The following MROH2A variants were observed in gnomAD, a reference collection of about 807,000 sequenced individuals.
MROH2A encodes the protein maestro heat like repeat family member 2A, also known as maestro heat-like repeat-containing protein family member 2A.
MROH2A carries 174 observed loss-of-function variants against 200.4 expected under a neutral mutation model. The observed-to-expected ratio is 0.87, with a 90% CI of 0.77 to 0.98. The LOEUF (loss-of-function observed/expected upper bound fraction) is 0.98. Among genes scored for constraint, MROH2A ranks in the 50% least tolerant of loss-of-function variants. MROH2A has a pLI of 0.00. For missense variants in MROH2A, 2,045 were observed against 2,139.6 expected, an observed-to-expected ratio of 0.96 and a Z score of 0.87; for synonymous variants, 829 against 840.4, an observed-to-expected ratio of 0.99 and a Z score of 0.23.
At chr2:233,784,214 C>G (rs1701082732) in intron 3 of MROH2A, among the ~76,000 whole-genome samples, 1 of 151,990 alleles carries the variant, frequency 6.6e-6, no homozygotes, top group African/African-American at 2.4e-5. Context: ...TTTGCTGTAT[C>G]CAATAGATTT....
At position 233,828,177 on chromosome 2, in the gene MROH2A, G is replaced by A. The variant is rs1704446135; in HGVS notation, c.4114-453G>A. Among the ~76,000 whole-genome samples, 2 of 152,048 alleles carry A rather than the reference G, an allele frequency of 1.3e-5. No homozygotes were observed. Among genetic ancestry groups the A allele is most frequent in the Admixed American group, 1.3e-4 (2 of 15,264 alleles). ...TCAGGCCTCTTTCAAACATACTCAGGTACTTGCATGCACACATGTACACAC... is the reference window on the plus strand; with the variant it reads ...TCAGGCCTCTTTCAAACATACTCAGATACTTGCATGCACACATGTACACAC... On this transcript the variant is annotated intron_variant, in intron 35 of 41. Coordinates refer to ENST00000389758, the MANE Select transcript of MROH2A (RefSeq NM_001394639.1). This position sits in a 1 kb window ranked among gnomAD's most constrained non-coding sequence, Gnocchi z 4.6.
intron 12 of MROH2A, 22 bp from the exon 13 acceptor site, chr2:233,799,758 G>T: frequency 1.3e-6 from 2 of 1,550,126 alleles, no homozygotes; most frequent in Non-Finnish European, 1.7e-6. Context: ...CCCCCAGCAT[G>T]TCCACGGTCC....
At position 233,793,676 on chromosome 2, in the gene MROH2A, T is replaced by A; in HGVS notation, c.674T>A (p.Met225Lys). ...AKIRQAICSA[M>K]ETFCETVQFY... ...ATTCCCCTGTTGCTGTTGGTAGCCA[T>A]GGAGACCTTCTGTGAGACGGTGCAG... The change falls in exon 7 of 42, where the codon ATG becomes AAG. Residue 225 changes from methionine (M) to lysine (K), a missense_variant. Met to Lys is a moderately conservative substitution (Grantham distance 95). This residue lies in a region of MROH2A where 831 missense variants were observed against 800.0 expected (regional missense o/e 1.04). Transcript: ENST00000389758. 1.4e-6 allele frequency: 2 copies of A among 1,401,338 alleles called. No individual in the cohort carries two copies. Among genetic ancestry groups the A allele is most frequent in the Non-Finnish European group, 9.3e-7 (1 of 1,071,702 alleles). 86.8% of individuals were successfully genotyped at this position (1,401,338 alleles called of 1,614,324 possible). A position where few individuals can be genotyped will look rare whatever the true frequency, so the allele number is the denominator to read the frequency against.
chr2:233,819,645 G>A (rs1703797757), intron 30 of MROH2A, among the ~76,000 whole-genome samples, 176 bp downstream of exon 30: 1 of 152,230 alleles, frequency 6.6e-6, no homozygotes, highest in Admixed American at 6.5e-5. Context: ...CGTGTTGAAG[G>A]TAGCCTCGTT....
intron 8 of MROH2A, 104 bp from the exon 9 acceptor site, chr2:233,795,549 A>T: frequency 6.6e-7 from 1 of 1,512,090 alleles, no homozygotes; most frequent in Non-Finnish European, 9.0e-7. Context: ...CTCCCAGGGA[A>T]TGCTGGTGCT....
At chr2:233,824,619 T>TGG (rs1704181585) in intron 35 of MROH2A, among the ~76,000 whole-genome samples, 3 of 152,230 alleles carry the variant, frequency 2.0e-5, no homozygotes, top group African/African-American at 7.2e-5. Flanking sequence ...AGTTGCTGAT[T>TGG]GGCTGGAGAT....
intron 3 of MROH2A, among the ~76,000 whole-genome samples, chr2:233,781,827 A>T (rs1168617552): frequency 1.3e-5 from 2 of 152,054 alleles, no homozygotes; most frequent in East Asian, 3.8e-4. Context: ...TTCCCCAATG[A>T]TTATTTTCTA....
chr2:233,831,703 T>C (rs7564111), intron 39 of MROH2A, among the ~76,000 whole-genome samples, 163 bp downstream of exon 39: 29,543 of 152,200 alleles, frequency 0.19, 5,932 homozygotes, highest in African/African-American at 0.51. Flanking sequence ...AGGCAAGTCA[T>C]GTGCCTATTT....
At chr2:233,794,558 G>A (rs1701984643) in intron 8 of MROH2A, 52 bp downstream of exon 8, 3 of 983,710 alleles carry the variant, frequency 3.0e-6, no homozygotes, top group Non-Finnish European at 4.7e-6. Context: ...GGAATTGGGG[G>A]CTCCCAAGTG....
In MROH2A at chr2:233,789,875, G is replaced by A; in HGVS notation, c.432G>A (p.Glu144=). The A allele has an allele frequency of 6.5e-7, 1 of 1,550,276 alleles. No individual in the cohort carries two copies. The highest frequency in any genetic ancestry group is 8.7e-7 in the Non-Finnish European group (1 of 1,146,848). ...IPEMEGYMKA[E]VASDTLVALS... is the part of the protein sequence containing the mutation. ...AGATGGAGGGCTATATGAAGGCAGAGGTGGCCAGCGACACACTGGTGGCTC... is the reference window on the plus strand; with the variant it reads ...AGATGGAGGGCTATATGAAGGCAGAAGTGGCCAGCGACACACTGGTGGCTC... The change falls in exon 5 of 42, where the codon GAG becomes GAA. Residue 144 remains glutamate, a synonymous_variant. Transcript: ENST00000389758.
chr2:233,801,686 C>T (rs1702481756), intron 14 of MROH2A, among the ~76,000 whole-genome samples: 1 of 152,178 alleles, frequency 6.6e-6, no homozygotes, highest in Non-Finnish European at 1.5e-5. Context: ...GGATTATGCA[C>T]TTTCGTCACA....
rs1053952706 is a variant in MROH2A, at chr2:233,778,350, T to A, written c.-146T>A. The A allele has an allele frequency of 5.9e-6, 1 of 169,194 alleles. No homozygotes were observed. The highest frequency in any genetic ancestry group is 6.5e-5 in the Admixed American group (1 of 15,302). 10.5% of individuals were successfully genotyped at this position (169,194 alleles called of 1,614,324 possible). The stretch of plus-strand genomic sequence containing the variant: ...GACCCATTCCTATAAGAAATATGAC[T>A]GAAGAGCCCAGCTGTCTCACTTTGA... On this transcript the variant is annotated 5_prime_UTR_variant, in exon 1 of 42. Transcript: ENST00000389758.
chr2:233,807,149 T>TAC lies in MROH2A; in HGVS notation c.2053-273_2053-272insCA, dbSNP rs1702846923. ...TTTTTGTGGCTGAGTAGTATTCCAT[T>TAC]ATATATATATATAATATGAACTGAT... On this transcript the variant is annotated intron_variant, in intron 19 of 41. Coordinates refer to ENST00000389758, the MANE Select transcript of MROH2A (RefSeq NM_001394639.1). The surrounding 1 kb of genome is among the most constrained non-coding windows in gnomAD (Gnocchi z 4.3). Among the ~76,000 whole-genome samples, 4 of 69,398 alleles carry TAC rather than the reference T, an allele frequency of 5.8e-5. No individual in the cohort carries two copies. The highest frequency in any genetic ancestry group is 2.2e-3 in the East Asian group (2 of 902). The allele number at this position is 69,398 out of a possible 152,430, so 45.5% of individuals were successfully genotyped here.
Position 233,818,011 on chromosome 2 carries a change from A to C in MROH2A, c.2971A>C (p.Lys991Gln). The C allele has an allele frequency of 6.4e-7, 1 of 1,550,904 alleles. No individual in the cohort carries two copies. Among genetic ancestry groups the C allele is most frequent in the Non-Finnish European group, 8.7e-7 (1 of 1,147,054 alleles). Residue 991 changes from lysine (K) to glutamine (Q), a missense_variant, in exon 28 of 42, where the codon AAG (lysine) becomes CAG (glutamine). Around this residue, in one of 3 missense-constraint regions of MROH2A, gnomAD observed 1,201 missense variants for 1,311.3 expected, o/e 0.92. Coordinates refer to ENST00000389758, the MANE Select transcript of MROH2A (RefSeq NM_001394639.1). ...VHSTAVCIHL[K>Q]LGQFGTMVGL... ...GTCTCCTGTCCCTCAGATCCACCTA[A>C]AGCTGGGGCAGTTTGGCACAATGGT...
intron 35 of MROH2A, 29 bp downstream of exon 35, chr2:233,823,693 G>A: frequency 6.5e-7 from 1 of 1,545,154 alleles, no homozygotes; most frequent in Non-Finnish European, 8.7e-7. Flanking sequence ...GTGTGGGCGG[G>A]GTGCAAGCGG....
At position 233,816,784 on chromosome 2, in the gene MROH2A, C is replaced by G; in HGVS notation, c.2860C>G (p.Leu954Val). 2 of 1,549,926 alleles carry G rather than the reference C, an allele frequency of 1.3e-6. No individual in the cohort carries two copies. Among genetic ancestry groups the G allele is most frequent in the Non-Finnish European group, 1.7e-6 (2 of 1,146,486 alleles). ...PKGLQEMVQLLEKWILSEKEW... is the reference protein window; with the variant it reads ...PKGLQEMVQLVEKWILSEKEW... ...GTGTTCTGGGCTCTACCCATAGCTC[C>G]TGGAAAAGTGGATCTTGTCGGAGAA... The change falls in exon 27 of 42, where the codon CTG (leucine) becomes GTG (valine). Residue 954 changes from leucine (L) to valine (V), a missense_variant. Coordinates refer to ENST00000389758, the MANE Select transcript of MROH2A (RefSeq NM_001394639.1).
chr2:233,818,527 C>A (rs2124840472), intron 28 of MROH2A, 125 bp from the exon 29 acceptor site: 1 of 722,862 alleles, frequency 1.4e-6, no homozygotes, highest in South Asian at 1.5e-5. Flanking sequence ...GGTCAGAACG[C>A]CTGGGACGTT....
Position 233,831,525 on chromosome 2 carries a change from C to A in MROH2A, c.4719C>A (p.Thr1573=), listed in dbSNP as rs981167540. Residue 1573 remains threonine, a synonymous_variant, in exon 39 of 42, where the codon ACC becomes ACA. Coordinates refer to ENST00000389758, the MANE Select transcript of MROH2A (RefSeq NM_001394639.1). ...ACAAGATGACCGTTTTCCAGACAAC[C>A]ATGTGCTCCATCCTGGTGAGGAAGC... ...TDDKMTVFQT[T]MCSILTRKKP... The A allele has an allele frequency of 1.7e-5, 26 of 1,550,090 alleles. No individual in the cohort carries two copies. In the Admixed American group the frequency reaches 2.4e-4, roughly 14 times the overall value.
chr2:233,776,305 T>G (rs1298207011), upstream of MROH2A, among the ~76,000 whole-genome samples: 1 of 151,668 alleles, frequency 6.6e-6, no homozygotes, highest in Non-Finnish European at 1.5e-5. Context: ...ATTTTGTGAG[T>G]GGATTGTGAG....
Sources: gnomAD v4.1 joint callset for allele counts (sites outside exome capture counted in the v4.1 genomes callset) on GRCh38, gnomAD v4.1.1 for gene constraint, gnomAD v4.1.1 regional missense constraint, Gnocchi (gnomAD v3.1) non-coding constraint, MANE v1.5 for transcripts, NCBI Gene and HGNC (gene_info 2026-07-23, HGNC 2026-07-21) for gene names.